CNTLN: variants seen among roughly 807,000 people sequenced by gnomAD.
The protein encoded by CNTLN is centlein, centrosomal protein.
CNTLN carries 212 observed loss-of-function variants against 180.0 expected under a neutral mutation model. That is an observed-to-expected ratio of 1.18 (90% confidence interval 1.05 to 1.32). CNTLN has a LOEUF of 1.32. Among genes scored for constraint, CNTLN ranks in the 40% most tolerant of loss-of-function variants. The pLI, the probability that CNTLN is intolerant of heterozygous loss-of-function variation, is 0.00. For synonymous variants in CNTLN, 722 were observed against 563.1 expected, an observed-to-expected ratio of 1.28 and a Z score of -3.99; for missense variants, 2,095 against 1,610.9, an observed-to-expected ratio of 1.30 and a Z score of -5.14.
chr9:17,359,731 A>ACAAAAAAAAAAAAC (rs1564027258), intron 12 of CNTLN, among the ~76,000 whole-genome samples: 1 of 99,284 alleles, frequency 1.0e-5, no homozygotes, highest in African/African-American at 4.1e-5. Context: ...AATACAAAAA[A>ACAAAAAAAAAAAAC]AAAAAAAAAA....
intron 25 of CNTLN, 58 bp downstream of exon 25, chr9:17,487,124 A>G (rs771368643): frequency 5.1e-6 from 6 of 1,173,180 alleles, no homozygotes; most frequent in South Asian, 2.6e-5. Flanking sequence ...CAAGCCTTAC[A>G]TTTTCACCAG....
chr9:17,277,787 A>G (rs776835463), intron 6 of CNTLN, among the ~76,000 whole-genome samples: 1 of 152,184 alleles, frequency 6.6e-6, no homozygotes, highest in Admixed American at 6.6e-5. Flanking sequence ...AAGTGCACAT[A>G]TAATGAAAAA....
chr9:17,523,255 G>C, the CNTLN span, among the ~76,000 whole-genome samples: 1 of 151,922 alleles, frequency 6.6e-6, no homozygotes, highest in African/African-American at 2.4e-5. Context: ...TTTTGTTTTT[G>C]AGATGGAGCC....
Position 17,400,288 on chromosome 9 carries a change from C to G in CNTLN, c.2615+5219C>G, listed in dbSNP as rs540506594. On this transcript the variant is annotated intron_variant, in intron 15 of 25. Coordinates refer to ENST00000380647, the MANE Select transcript of CNTLN (RefSeq NM_017738.4). The stretch of plus-strand genomic sequence containing the variant: ...GCGTAGCTGGGAATACCGGCGCACA[C>G]CACAATGCCCGGCTAATTTTTTGTA... Among the ~76,000 whole-genome samples, 3 of 152,220 alleles carry G rather than the reference C, an allele frequency of 2.0e-5. No homozygotes were observed. The South Asian group carries it at 6.2e-4, about 32-fold the overall frequency.
chr9:17,193,952 A>G (rs1210471671), intron 2 of CNTLN, among the ~76,000 whole-genome samples: 1 of 152,240 alleles, frequency 6.6e-6, no homozygotes, highest in Non-Finnish European at 1.5e-5. Context: ...GCTCAGCACC[A>G]CATGGAAGCT....
In CNTLN at chr9:17,332,670, A is replaced by T; in HGVS notation, c.1584A>T (p.Leu528=). The T allele has an allele frequency of 6.2e-7, 1 of 1,608,712 alleles. No homozygotes were observed. The highest frequency in any genetic ancestry group is 1.7e-4 in the Middle Eastern group (1 of 6,044). ...PKSSFTDSEE[L]QKLRKAERKI... is the part of the protein sequence containing the mutation. Reference sequence around the variant, plus strand: ...GCTCTTTCACAGACTCAGAAGAGCTACAGAAGCTGAGAAAAGCTGAAAGAA... The same window carrying T: ...GCTCTTTCACAGACTCAGAAGAGCTTCAGAAGCTGAGAAAAGCTGAAAGAA... Residue 528 remains leucine (L), a synonymous_variant, in exon 10 of 26, where the codon CTA becomes CTT. Transcript: ENST00000380647.
chr9:17,452,396 C>G (rs1237325257), intron 18 of CNTLN, among the ~76,000 whole-genome samples: 5 of 152,174 alleles, frequency 3.3e-5, no homozygotes. Flanking sequence ...GGTCATAGAT[C>G]TAAGCTAGGA....
intron 18 of CNTLN, chr9:17,447,339 A>G: frequency 5.0e-6 from 1 of 199,694 alleles, no homozygotes; most frequent in Non-Finnish European, 1.1e-5. Context: ...CCCATAGTTG[A>G]GGTTGCAGAG....
At position 17,298,213 on chromosome 9, in the gene CNTLN, A is replaced by G. The variant is rs1008192244; in HGVS notation, c.1007A>G (p.Asn336Ser). The stretch of plus-strand genomic sequence containing the variant: ...AGGAAGGAACTGCAGGAGCTGCAGA[A>G]TCTTTACAAACAGAACAGTACACAT... ...LVRKELQELQ[N>S]LYKQNSTHTA... Residue 336 changes from asparagine to serine, a missense_variant, in exon 7 of 26, where the codon AAT becomes AGT. Asn to Ser is a conservative substitution (Grantham distance 46). Coordinates refer to ENST00000380647, the MANE Select transcript of CNTLN (RefSeq NM_017738.4). 1 of 1,536,722 alleles carries G rather than the reference A, an allele frequency of 6.5e-7. No individual in the cohort carries two copies. The highest frequency in any genetic ancestry group is 8.7e-7 in the Non-Finnish European group (1 of 1,144,014).
intron 6 of CNTLN, among the ~76,000 whole-genome samples, chr9:17,295,519 A>T (rs950115316): frequency 7.9e-5 from 12 of 151,932 alleles, no homozygotes; most frequent in African/African-American, 2.9e-4. Context: ...CCAGCTGCCT[A>T]GTCAGTCCCA....
intron 25 of CNTLN, 21 bp from the exon 26 acceptor site, chr9:17,502,529 CT>C: frequency 6.3e-6 from 7 of 1,109,550 alleles, no homozygotes; most frequent in Non-Finnish European, 7.8e-6. Context: ...TTTTAATAAT[CT>C]TTTTTGTGTT....
chr9:17,471,236 C>T (rs1417628133), intron 23 of CNTLN, among the ~76,000 whole-genome samples: 2 of 151,880 alleles, frequency 1.3e-5, no homozygotes, highest in African/African-American at 4.8e-5. Flanking sequence ...TTTTTGCCTT[C>T]CTCACAATGT....
chr9:17,485,777 G>A (rs1461093285), intron 24 of CNTLN, among the ~76,000 whole-genome samples: 1 of 152,078 alleles, frequency 6.6e-6, no homozygotes, highest in Non-Finnish European at 1.5e-5. Flanking sequence ...GAGCCACCAT[G>A]TTTTTTGAGA....
At chr9:17,157,573 T>A (rs1819383910) in intron 2 of CNTLN, among the ~76,000 whole-genome samples, 1 of 152,204 alleles carries the variant, frequency 6.6e-6, no homozygotes, top group Non-Finnish European at 1.5e-5. Context: ...GTGACAGTGC[T>A]TCTGGAAGAG....
intron 12 of CNTLN, among the ~76,000 whole-genome samples, chr9:17,366,310 A>G (rs66691007): frequency 1.5e-4 from 12 of 82,002 alleles, no homozygotes; most frequent in Non-Finnish European, 3.4e-4. Flanking sequence ...TGTTGTTGTT[A>G]TTATTATTAT....
chr9:17,400,351 CT>C (rs1277693194), intron 15 of CNTLN, among the ~76,000 whole-genome samples: 10 of 152,132 alleles, frequency 6.6e-5, no homozygotes, highest in African/African-American at 2.4e-4. Flanking sequence ...GTTGGCCAGG[CT>C]GGTCTGGAAC....
intron 25 of CNTLN, among the ~76,000 whole-genome samples, chr9:17,499,679 C>G (rs1833643560): frequency 6.6e-6 from 1 of 152,102 alleles, no homozygotes; most frequent in Admixed American, 6.5e-5. Flanking sequence ...GTAGATTTTA[C>G]AAAATATTGT....
chr9:17,295,699 C>T (rs1817846954), intron 6 of CNTLN, among the ~76,000 whole-genome samples: 1 of 152,086 alleles, frequency 6.6e-6, no homozygotes, highest in African/African-American at 2.4e-5. Flanking sequence ...TCAGTGCTTT[C>T]CGCTGGTTCA....
rs764517332 is a variant in CNTLN, at chr9:17,273,799, C to T, written c.916C>T (p.Leu306=). 3.2e-6 allele frequency: 5 copies of T among 1,574,652 alleles called. No individual in the cohort carries two copies. The South Asian group carries it at 3.5e-5, about 11-fold the overall frequency. The change falls in exon 6 of 26, where the codon CTA becomes TTA. Residue 306 remains leucine, a synonymous_variant. Coordinates refer to ENST00000380647, the MANE Select transcript of CNTLN (RefSeq NM_017738.4). Reference sequence around the variant, plus strand: ...AGTATCACAGAGTAAATACAATGCTCTATCATTACAGTTGAGTAATAAACA... The same window carrying T: ...AGTATCACAGAGTAAATACAATGCTTTATCATTACAGTTGAGTAATAAACA... ...VEVSQSKYNA[L]SLQLSNKQTE...
Sources: allele counts gnomAD v4.1 joint callset (sites outside exome capture counted in the v4.1 genomes callset), GRCh38; gene constraint gnomAD v4.1.1; transcripts MANE v1.5; gene names NCBI Gene and HGNC (gene_info 2026-07-23, HGNC 2026-07-21).